The following GDPD5 variants were observed in gnomAD, a reference collection of about 807,000 sequenced individuals.
GDPD5 encodes glycerophosphodiester phosphodiesterase domain containing 5.
GDPD5 carries 48 observed loss-of-function variants against 75.1 expected under a neutral mutation model. The ratio of observed to expected loss-of-function variants is 0.64; its 90% CI spans 0.51 to 0.81. The LOEUF (loss-of-function observed/expected upper bound fraction) is 0.81. GDPD5 is among the 40% of genes least tolerant of loss of function. The pLI, the probability that GDPD5 is intolerant of heterozygous loss-of-function variation, is 0.00. For missense variants in GDPD5, 706 were observed against 822.6 expected, an observed-to-expected ratio of 0.86 and a Z score of 1.73; for synonymous variants, 336 against 339.0, an observed-to-expected ratio of 0.99 and a Z score of 0.10.
intron 1 of GDPD5, among the ~76,000 whole-genome samples, chr11:75,523,866 C>A (rs1941562083): frequency 6.6e-6 from 1 of 152,222 alleles, no homozygotes; most frequent in South Asian, 2.1e-4. Context: ...GACCTCTCAC[C>A]ACGCTCCTCC....
At position 75,456,461 on chromosome 11, in the gene GDPD5, T is replaced by C. The variant is rs148975748; in HGVS notation, c.375+296A>G. On this transcript the variant is annotated intron_variant, in intron 6 of 16. Coordinates refer to ENST00000336898, the MANE Select transcript of GDPD5 (RefSeq NM_030792.8). ...TGACTGCGGGACCCTGGATCTTCCA[T>C]GTTTAAACTGGGAGACCTTAGGCAA... The C allele has an allele frequency of 3.7e-3, 1,637 of 444,540 alleles. 63 individuals carry two copies. The East Asian group carries it at 0.058, about 16-fold the overall frequency. The allele number at this position is 444,540 out of a possible 1,614,324, so 27.5% of individuals were successfully genotyped here.
At chr11:75,473,023 A>C (rs1253299175) in intron 3 of GDPD5, among the ~76,000 whole-genome samples, 2 of 152,036 alleles carry the variant, frequency 1.3e-5, no homozygotes, top group Non-Finnish European at 2.9e-5. Context: ...CATTCCAAGC[A>C]GAGGGAATGG....
At chr11:75,475,101 T>C (rs973690542) in intron 3 of GDPD5, among the ~76,000 whole-genome samples, 4 of 152,234 alleles carry the variant, frequency 2.6e-5, no homozygotes, top group Admixed American at 6.5e-5. Flanking sequence ...CTGCATACAG[T>C]AGGTACTCAA....
chr11:75,489,836 T>C (rs1950078489), intron 2 of GDPD5, among the ~76,000 whole-genome samples: 1 of 151,816 alleles, frequency 6.6e-6, no homozygotes, highest in South Asian at 2.1e-4. Context: ...ACTCCTGGGC[T>C]CAAGCAATCT....
intron 1 of GDPD5, among the ~76,000 whole-genome samples, chr11:75,499,394 CTTTTT>C (rs376714511): frequency 0.032 from 1,434 of 45,260 alleles, 28 homozygotes; most frequent in African/African-American, 0.06. Flanking sequence ...TCTTCTTTTC[CTTTTT>C]TTTTTTTTTT....
At chr11:75,499,315 G>C (rs532713541) in intron 1 of GDPD5, among the ~76,000 whole-genome samples, 67 of 151,366 alleles carry the variant, frequency 4.4e-4, no homozygotes, top group African/African-American at 1.4e-3. Flanking sequence ...ATCTGAGCTG[G>C]TTTATACCCC....
intron 1 of GDPD5, among the ~76,000 whole-genome samples, chr11:75,505,490 C>A (rs1007174175): frequency 6.6e-6 from 1 of 152,134 alleles, no homozygotes; most frequent in Non-Finnish European, 1.5e-5. Flanking sequence ...CTTGTGGGGC[C>A]CCTGTTTTCC....
At chr11:75,477,349 G>A (rs1949800580) in intron 3 of GDPD5, among the ~76,000 whole-genome samples, 1 of 152,260 alleles carries the variant, frequency 6.6e-6, no homozygotes, top group African/African-American at 2.4e-5. Context: ...TCACCTTGGG[G>A]TGACCCTTCC....
chr11:75,513,575 C>T (rs1383727080), intron 1 of GDPD5, among the ~76,000 whole-genome samples: 2 of 152,174 alleles, frequency 1.3e-5, no homozygotes, highest in Non-Finnish European at 2.9e-5. Flanking sequence ...GTTAAACTGT[C>T]ATGTGTCCAA....
At chr11:75,441,348 C>G (rs767720380) in intron 13 of GDPD5, 38 bp from the exon 14 acceptor site, 1 of 1,612,512 alleles carries the variant, frequency 6.2e-7, no homozygotes, top group Middle Eastern at 1.7e-4. Flanking sequence ...CATGCGGACC[C>G]TGGCAGCTCC....
At chr11:75,439,851 G>A (rs1282682006) in intron 15 of GDPD5, 28 bp downstream of exon 15, 20 of 1,582,974 alleles carry the variant, frequency 1.3e-5, no homozygotes, top group Non-Finnish European at 1.6e-5. Flanking sequence ...GGTAGGGACA[G>A]CCACGGAAGT....
intron 1 of GDPD5, among the ~76,000 whole-genome samples, chr11:75,511,436 T>C (rs936393558): frequency 1.3e-5 from 2 of 152,068 alleles, no homozygotes. Flanking sequence ...CCCATTGGGG[T>C]CCCTAATTCG....
chr11:75,449,692 A>G (rs1383590979), intron 7 of GDPD5, 82 bp from the exon 8 acceptor site: 1 of 1,427,988 alleles, frequency 7.0e-7, no homozygotes, highest in Non-Finnish European at 9.7e-7. Flanking sequence ...ACTTCTACCT[A>G]TGAGGCAGGC....
intron 3 of GDPD5, among the ~76,000 whole-genome samples, chr11:75,468,608 C>G (rs1282815602): frequency 2.6e-5 from 4 of 152,192 alleles, no homozygotes; most frequent in Non-Finnish European, 5.9e-5. Flanking sequence ...GCCCAGACCA[C>G]TAAAACCTCC....
At chr11:75,497,766 CAA>C (rs763235936) in intron 1 of GDPD5, among the ~76,000 whole-genome samples, 1 of 152,154 alleles carries the variant, frequency 6.6e-6, no homozygotes, top group Non-Finnish European at 1.5e-5. Flanking sequence ...AGTTCTGAAC[CAA>C]AGAGGGGTTA....
chr11:75,444,631 GACCC>G, intron 9 of GDPD5, 136 bp from the exon 10 acceptor site: 1 of 650,916 alleles, frequency 1.5e-6, no homozygotes, highest in Non-Finnish European at 2.8e-6. Context: ...GTAGCTGTGT[GACCC>G]TGGGCACCCA....
At chr11:75,459,540 C>T (rs543728343) in intron 4 of GDPD5, among the ~76,000 whole-genome samples, 6 of 152,102 alleles carry the variant, frequency 3.9e-5, no homozygotes, top group South Asian at 2.1e-4. Context: ...TACCCACATC[C>T]GGCTGGGCGC....
At chr11:75,490,997 G>A (rs547262987) in intron 1 of GDPD5, among the ~76,000 whole-genome samples, 12 of 152,286 alleles carry the variant, frequency 7.9e-5, no homozygotes, top group African/African-American at 2.9e-4. Flanking sequence ...TGTCTACTAG[G>A]GACACTGAGG....
chr11:75,507,575 T>C (rs1950427835), intron 1 of GDPD5, among the ~76,000 whole-genome samples: 1 of 152,210 alleles, frequency 6.6e-6, no homozygotes, highest in South Asian at 2.1e-4. Context: ...CCGGGGTTCT[T>C]AAGGCAGGGC....
Sources: allele counts gnomAD v4.1 joint callset (sites outside exome capture counted in the v4.1 genomes callset), GRCh38; gene constraint gnomAD v4.1.1; transcripts MANE v1.5; gene names NCBI Gene and HGNC (gene_info 2026-07-23, HGNC 2026-07-21).